DCST1: variants seen among roughly 807,000 people sequenced by gnomAD.
DCST1 encodes E3 ubiquitin-protein ligase DCST1.
DCST1 carries 78 observed loss-of-function variants against 89.1 expected under a neutral mutation model. That is an observed-to-expected ratio of 0.88 (90% CI 0.73 to 1.06). DCST1 has a LOEUF of 1.06. DCST1 is among the 50% of genes least tolerant of loss of function. DCST1 has a pLI of 0.00. For missense variants in DCST1, 900 were observed against 928.6 expected, an observed-to-expected ratio of 0.97 and a Z score of 0.40; for synonymous variants, 364 against 371.9, an observed-to-expected ratio of 0.98 and a Z score of 0.24.
intron 14 of DCST1, among the ~76,000 whole-genome samples, chr1:155,047,533 T>G (rs917431416): frequency 6.6e-6 from 1 of 152,212 alleles, no homozygotes; most frequent in South Asian, 2.1e-4. Flanking sequence ...CAGGGTCTTG[T>G]GGCTAGGGGG....
rs1387707375 is a variant in DCST1, at chr1:155,045,919, AC to A, written c.1201del (p.His401MetfsTer53). 1 of 1,614,220 alleles carries A rather than the reference AC, an allele frequency of 6.2e-7. No homozygotes were observed. Among genetic ancestry groups the A allele is most frequent in the East Asian group, 2.2e-5 (1 of 44,882 alleles). On this transcript the variant is annotated frameshift_variant, in exon 11 of 17. Coordinates refer to ENST00000295542, the MANE Select transcript of DCST1 (RefSeq NM_152494.4). LOFTEE classifies it high-confidence loss of function. ...HASFSYMDSY[N>X]HDIRFDNIYI... ...TCTTTCTCCTACATGGACAGCTATA[AC>A]CATGACATTCGTTTTGACAACATCT...
At position 155,048,042 on chromosome 1, in the gene DCST1, C is replaced by T. The variant is rs777886749; in HGVS notation, c.1756-15C>T. On this transcript the variant is annotated splice_polypyrimidine_tract_variant and intron_variant, in intron 15 of 16. Transcript: ENST00000295542. Reference sequence around the variant, plus strand: ...GGATGCCTTTCTCTATCATTGACCCCCTTCCTGCCCCCAGCGAGAGAAGAA... The same window carrying T: ...GGATGCCTTTCTCTATCATTGACCCTCTTCCTGCCCCCAGCGAGAGAAGAA... The T allele has an allele frequency of 3.7e-6, 6 of 1,613,658 alleles. No individual in the cohort carries two copies. The East Asian group carries it at 8.9e-5, about 24-fold the overall frequency.
chr1:155,047,213 G>T lies in DCST1; in HGVS notation c.1513G>T (p.Val505Leu), dbSNP rs757716729. 3.7e-6 allele frequency: 6 copies of T among 1,614,106 alleles called. No homozygotes were observed. The highest frequency in any genetic ancestry group is 5.1e-6 in the Non-Finnish European group (6 of 1,180,042). Reference sequence around the variant, plus strand: ...GGCCGCAGGCAGTCATAAACTGGAGGTGAAGGTCGGGGGAGACTCCATGCT... The same window carrying T: ...GGCCGCAGGCAGTCATAAACTGGAGTTGAAGGTCGGGGGAGACTCCATGCT... ...YSFRSSHKLE[V>L]KVGGDSMLAR... Residue 505 changes from valine (V) to leucine (L), a missense_variant, in exon 14 of 17, where the codon GTG becomes TTG. By Grantham distance (32) the Val-to-Leu change is conservative (BLOSUM62 1). Coordinates refer to ENST00000295542, the MANE Select transcript of DCST1 (RefSeq NM_152494.4).
intron 8 of DCST1, 27 bp from the exon 9 acceptor site, chr1:155,042,708 C>T: frequency 6.2e-7 from 1 of 1,613,416 alleles, no homozygotes; most frequent in Non-Finnish European, 8.5e-7. Flanking sequence ...CCCGGGGAGG[C>T]CCCTGACCCC....
intron 4 of DCST1, among the ~76,000 whole-genome samples, chr1:155,038,844 G>A (rs1337574538): frequency 6.6e-6 from 1 of 152,188 alleles, no homozygotes; most frequent in Non-Finnish European, 1.5e-5. Flanking sequence ...TCTGGATTAT[G>A]AGCTTCCAGA....
chr1:155,041,271 C>T (rs1660432868), intron 6 of DCST1, 126 bp from the exon 7 acceptor site: 2 of 943,922 alleles, frequency 2.1e-6, no homozygotes, highest in South Asian at 3.2e-5. Context: ...TGTCTCAGGG[C>T]CTAGGCTCCC....
At chr1:155,041,086 G>C (rs1660423619) in intron 6 of DCST1, among the ~76,000 whole-genome samples, 1 of 152,166 alleles carries the variant, frequency 6.6e-6, no homozygotes, top group Non-Finnish European at 1.5e-5. Flanking sequence ...GTGGTGAAGG[G>C]TAAGGTCTAA....
At position 155,050,622 on chromosome 1, in the gene DCST1, C is replaced by G; in HGVS notation, c.1875C>G (p.His625Gln). 1 of 1,580,728 alleles carries G rather than the reference C, an allele frequency of 6.3e-7. No homozygotes were observed. Among genetic ancestry groups the G allele is most frequent in the Non-Finnish European group, 8.6e-7 (1 of 1,166,542 alleles). ...TAACGCCCACCTCCCAACAGCGCCA[C>G]CCGCTGGCGGATATCCTGCACCGCG... Reference protein sequence around the residue: ...RRERQQKAPRHPLADILHRGC... With the variant: ...RRERQQKAPRQPLADILHRGC... The change falls in exon 17 of 17, where the codon CAC (histidine) becomes CAG (glutamine). Residue 625 changes from histidine (H) to glutamine (Q), a missense_variant. His to Gln is a conservative substitution (Grantham distance 24). Transcript: ENST00000295542.
intron 8 of DCST1, 83 bp from the exon 9 acceptor site, chr1:155,042,652 G>A: frequency 1.3e-6 from 2 of 1,586,778 alleles, no homozygotes; most frequent in Non-Finnish European, 1.7e-6. Flanking sequence ...AGGATGAGGA[G>A]GACTACAGGA....
chr1:155,034,195 G>A (rs905023836), intron 2 of DCST1, 98 bp downstream of exon 2: 64 of 1,553,446 alleles, frequency 4.1e-5, no homozygotes, highest in Non-Finnish European at 5.3e-5. Context: ...CTCGGTGTCC[G>A]CGCCTCCACC....
At chr1:155,037,887 C>T (rs567857091) in intron 4 of DCST1, among the ~76,000 whole-genome samples, 12 of 152,372 alleles carry the variant, frequency 7.9e-5, no homozygotes, top group African/African-American at 2.6e-4. Flanking sequence ...AGCCTCAGCT[C>T]GAGTCTTTGG....
In DCST1 at chr1:155,034,716, A is replaced by G; in HGVS notation, c.251A>G (p.Tyr84Cys). 6.2e-7 allele frequency: 1 copy of G among 1,614,204 alleles called. No homozygotes were observed. Among genetic ancestry groups the G allele is most frequent in the Non-Finnish European group, 8.5e-7 (1 of 1,180,050 alleles). Residue 84 changes from tyrosine to cysteine, a missense_variant, in exon 4 of 17, where the codon TAC (tyrosine) becomes TGC (cysteine). Coordinates refer to ENST00000295542, the MANE Select transcript of DCST1 (RefSeq NM_152494.4). ...IYEEQKIMFL[Y>C]SLVGLGAMGW... ...GAAGAACAGAAGATTATGTTCTTGT[A>G]CAGCTTGGTGGGTTAGTGCTGGGCA... is the stretch of plus-strand genomic sequence containing the variant.
At chr1:155,042,241 G>A (rs1660459566) in intron 8 of DCST1, among the ~76,000 whole-genome samples, 1 of 152,124 alleles carries the variant, frequency 6.6e-6, no homozygotes, top group South Asian at 2.1e-4. Context: ...TGGGATTACA[G>A]GTGGCCGCCA....
intron 4 of DCST1, among the ~76,000 whole-genome samples, chr1:155,037,949 T>C (rs1323327409): frequency 6.6e-6 from 1 of 152,252 alleles, no homozygotes; most frequent in African/African-American, 2.4e-5. Flanking sequence ...TGTTCTACCA[T>C]GACTGGTTTA....
At chr1:155,047,134 C>A (rs141329654) in intron 13 of DCST1, 62 bp from the exon 14 acceptor site, 2 of 1,335,450 alleles carry the variant, frequency 1.5e-6, no homozygotes, top group East Asian at 2.3e-5. Context: ...ACATCCACCC[C>A]CTTAACACAT....
Position 155,043,460 on chromosome 1 carries a change from G to A in DCST1, c.1123G>A (p.Gly375Arg), listed in dbSNP as rs759371647. The A allele has an allele frequency of 1.2e-5, 19 of 1,611,786 alleles. No individual in the cohort carries two copies. The highest frequency in any genetic ancestry group is 1.4e-5 in the Non-Finnish European group (17 of 1,179,148). The change falls in exon 10 of 17, where the codon GGG (glycine) becomes AGG (arginine). Residue 375 changes from glycine (G) to arginine (R), a missense_variant. Physicochemically the swap from Gly to Arg is moderately radical, Grantham distance 125. Coordinates refer to ENST00000295542, the MANE Select transcript of DCST1 (RefSeq NM_152494.4). ...RQEARLEWALGLLHVLLSCTF... is the reference protein window; with the variant it reads ...RQEARLEWALRLLHVLLSCTF... ...GGAGGCCCGGCTGGAGTGGGCCCTG[G>A]GGCTGCTGCACGTGCTGCTCTCCTG...
chr1:155,041,454 C>G lies in DCST1; in HGVS notation c.589C>G (p.Leu197Val), dbSNP rs1473879454. ...GAACATCTCCGCCACTTTTGAGGAC[C>G]TGGATGCCCAGGTGAATAGTGAGAC... ...TRNISATFED[L>V]DAQVNSETGY... Residue 197 changes from leucine (L) to valine (V), a missense_variant, in exon 7 of 17, where the codon CTG becomes GTG. Transcript: ENST00000295542. The G allele has an allele frequency of 6.2e-7, 1 of 1,614,078 alleles. No homozygotes were observed. The highest frequency in any genetic ancestry group is 1.3e-5 in the African/African-American group (1 of 75,042).
rs147171565 is a variant in DCST1 at position 155,043,472 on chromosome 1, G to T, written c.1135G>T (p.Val379Leu). 6.8e-6 allele frequency: 11 copies of T among 1,608,842 alleles called. No homozygotes were observed. The highest frequency in any genetic ancestry group is 6.7e-5 in the Admixed American group (4 of 59,562). The part of the protein sequence containing the change: ...RLEWALGLLH[V>L]LLSCTFLLVL... ...GGAGTGGGCCCTGGGGCTGCTGCAC[G>T]TGCTGCTCTCCTGCACTTTCCTGCT... is the stretch of plus-strand genomic sequence containing the variant. Residue 379 changes from valine to leucine, a missense_variant, in exon 10 of 17, where the codon GTG becomes TTG. Val to Leu is a conservative substitution (Grantham distance 32). Transcript: ENST00000295542.
intron 9 of DCST1, 139 bp downstream of exon 9, chr1:155,042,995 G>C (rs1315504266): frequency 4.5e-5 from 34 of 754,758 alleles, no homozygotes; most frequent in Non-Finnish European, 6.3e-5. Context: ...CAAGGAGGGG[G>C]AATGTCGCTG....
Sources: allele counts gnomAD v4.1 joint callset (sites outside exome capture counted in the v4.1 genomes callset), GRCh38; gene constraint gnomAD v4.1.1; transcripts MANE v1.5; gene names NCBI Gene and HGNC (gene_info 2026-07-23, HGNC 2026-07-21).